Variants in TRPM3 observed in about 807,000 individuals in gnomAD.
The protein encoded by TRPM3 is transient receptor potential cation channel subfamily M member 3.
In TRPM3, 77 loss-of-function variants were observed where a neutral mutation model predicts 181.2. The ratio of observed to expected loss-of-function variants is 0.42; its 90% CI spans 0.35 to 0.51. The LOEUF (loss-of-function observed/expected upper bound fraction) is 0.51. TRPM3 is among the 20% of genes least tolerant of loss of function. The pLI, the probability that TRPM3 is intolerant of heterozygous loss-of-function variation, is 0.01. For synonymous variants in TRPM3, 745 were observed against 796.4 expected, an observed-to-expected ratio of 0.94 and a Z score of 1.09; for missense variants, 1,759 against 2,196.7, an observed-to-expected ratio of 0.80 and a Z score of 3.98.
At chr9:71,007,461 T>A (rs934568117) in intron 1 of TRPM3, among the ~76,000 whole-genome samples, 3 of 152,140 alleles carry the variant, frequency 2.0e-5, no homozygotes, top group African/African-American at 7.2e-5. Flanking sequence ...AAAAACTGTA[T>A]GTAAGGTCAG....
chr9:71,146,731 CA>C (rs1424772280), intron 1 of TRPM3, among the ~76,000 whole-genome samples: 1 of 152,132 alleles, frequency 6.6e-6, no homozygotes, highest in African/African-American at 2.4e-5. Flanking sequence ...CACCCATGAC[CA>C]CAGCACATTG....
intron 1 of TRPM3, among the ~76,000 whole-genome samples, chr9:70,887,226 G>A (rs2096103874): frequency 6.6e-6 from 1 of 152,060 alleles, no homozygotes; most frequent in African/African-American, 2.4e-5. Flanking sequence ...GGTTGTTTCA[G>A]GTTTTATTAA....
At position 70,639,191 on chromosome 9, in the gene TRPM3, C is replaced by T; in HGVS notation, c.1450G>A (p.Gly484Arg). The T allele has an allele frequency of 2.5e-6, 4 of 1,613,660 alleles. No individual in the cohort carries two copies. Among genetic ancestry groups the T allele is most frequent in the Non-Finnish European group, 3.4e-6 (4 of 1,179,814 alleles). The change falls in exon 11 of 26, where the codon GGA (glycine) becomes AGA (arginine). Residue 484 changes from glycine (G) to arginine (R), a missense_variant. Gly to Arg is a moderately radical substitution (Grantham distance 125). Around this residue, in one of 8 missense-constraint regions of TRPM3, gnomAD observed 737 missense variants for 957.4 expected, o/e 0.77. Transcript: ENST00000677713. ...TCCAACATGGCTTGCTCCAGAGATCCCACCTGCAAACCAAGTCACTGAGTT... is the reference window on the plus strand; with the variant it reads ...TCCAACATGGCTTGCTCCAGAGATCTCACCTGCAAACCAAGTCACTGAGTT... The part of the protein sequence containing the change: ...IFIYGQQWPV[G>R]SLEQAMLDAL...
chr9:70,919,881 T>A (rs3010452), intron 1 of TRPM3, among the ~76,000 whole-genome samples: 47,408 of 151,982 alleles, frequency 0.31, 8,564 homozygotes, highest in African/African-American at 0.49. Flanking sequence ...GCGTATGCTC[T>A]TGCCTGATAT....
chr9:71,005,951 A>C (rs1196518591), intron 1 of TRPM3, among the ~76,000 whole-genome samples: 1 of 152,230 alleles, frequency 6.6e-6, no homozygotes, highest in Non-Finnish European at 1.5e-5. Flanking sequence ...AATTATTAAG[A>C]CAATAATAAG....
chr9:71,429,674 G>T lies in TRPM3; in HGVS notation c.183+16979C>A, dbSNP rs960615044. ...TCCTACATTACTCACAGTGTATACT[G>T]CAAAGCCTAGGGTTGTTTTGAATCC... On this transcript the variant is annotated intron_variant, in intron 1 of 24. Transcript: ENST00000357533. 2.0e-5 allele frequency among the ~76,000 whole-genome samples: 3 copies of T among 152,088 alleles called. No individual in the cohort carries two copies. In the East Asian group the frequency reaches 5.8e-4, roughly 29 times the overall value.
At chr9:71,295,734 G>A (rs1357937940) in intron 1 of TRPM3, among the ~76,000 whole-genome samples, 1 of 150,646 alleles carries the variant, frequency 6.6e-6, no homozygotes, top group Non-Finnish European at 1.5e-5. Context: ...AGCTACTGGA[G>A]AGGCTGAGAT....
intron 1 of TRPM3, among the ~76,000 whole-genome samples, chr9:71,023,784 T>C (rs576171867): frequency 2.6e-5 from 4 of 152,006 alleles, no homozygotes; most frequent in South Asian, 4.2e-4. Flanking sequence ...GACAAAACTT[T>C]AGAAATGGAG....
chr9:71,199,983 G>C (rs1225202518), intron 1 of TRPM3, among the ~76,000 whole-genome samples: 2 of 152,094 alleles, frequency 1.3e-5, no homozygotes, highest in South Asian at 2.1e-4. Context: ...AATTTTGGAT[G>C]TTTCCTGCTT....
intron 1 of TRPM3, among the ~76,000 whole-genome samples, chr9:71,159,530 C>T (rs916705745): frequency 2.6e-5 from 4 of 152,042 alleles, no homozygotes; most frequent in African/African-American, 7.2e-5. Context: ...AAAATCCTAA[C>T]GAACATAAAG....
intron 1 of TRPM3, among the ~76,000 whole-genome samples, chr9:71,269,335 T>C (rs2083615592): frequency 6.6e-6 from 1 of 152,212 alleles, no homozygotes; most frequent in East Asian, 1.9e-4. Context: ...CTAGATTCTG[T>C]TACCATTGAA....
intron 8 of TRPM3, chr9:70,760,886 C>T (rs2078014353): frequency 6.6e-6 from 1 of 152,204 alleles, no homozygotes; most frequent in Non-Finnish European, 1.5e-5. Context: ...ATCAAATGAG[C>T]CGGGTTTCCT....
intron 1 of TRPM3, among the ~76,000 whole-genome samples, chr9:71,341,308 A>G (rs1365968788): frequency 6.6e-6 from 1 of 152,152 alleles, no homozygotes; most frequent in Non-Finnish European, 1.5e-5. Context: ...TTTGTTAATT[A>G]CAACAGGAAA....
rs138683780 is a variant in TRPM3 at position 71,191,342 on chromosome 9, C to T, written c.183+255311G>A. Reference sequence around the variant, plus strand: ...TTTGCTTTTTGTCTATAAAGACAAACGCTGCCCACCCTTCTTTCAAATACC... The same window carrying T: ...TTTGCTTTTTGTCTATAAAGACAAATGCTGCCCACCCTTCTTTCAAATACC... On this transcript the variant is annotated intron_variant, in intron 1 of 24. Transcript: ENST00000357533. Among the ~76,000 whole-genome samples the T allele has an allele frequency of 1.1e-4, 17 of 151,874 alleles. No individual in the cohort carries two copies. The East Asian group carries it at 1.6e-3, about 14-fold the overall frequency.
intron 9 of TRPM3, among the ~76,000 whole-genome samples, chr9:70,654,908 C>A (rs1039946144): frequency 6.6e-6 from 1 of 151,416 alleles, no homozygotes; most frequent in Non-Finnish European, 1.5e-5. Context: ...TGGTCTCGAT[C>A]TCCTGACCTT....
At chr9:70,557,299 C>T (rs1412883495) in intron 22 of TRPM3, among the ~76,000 whole-genome samples, 2 of 152,194 alleles carry the variant, frequency 1.3e-5, no homozygotes, top group African/African-American at 4.8e-5. Flanking sequence ...CTAGTTTCTA[C>T]AGCAGTAACG....
intron 9 of TRPM3, among the ~76,000 whole-genome samples, chr9:70,679,182 G>T (rs1489498360): frequency 2.6e-5 from 4 of 152,098 alleles, no homozygotes; most frequent in African/African-American, 9.7e-5. Flanking sequence ...AGATTGAATA[G>T]AAAATACCCA....
chr9:71,266,334 G>A (rs146049476), intron 1 of TRPM3, among the ~76,000 whole-genome samples: 213 of 151,546 alleles, frequency 1.4e-3, no homozygotes, highest in African/African-American at 5.0e-3. Flanking sequence ...TATCATGAGG[G>A]AGTGGCAAAA....
At chr9:70,570,002 C>T (rs180910795) in intron 22 of TRPM3, among the ~76,000 whole-genome samples, 205 of 152,106 alleles carry the variant, frequency 1.3e-3, no homozygotes, top group African/African-American at 4.7e-3. Context: ...ACTTGACTTC[C>T]TCTATTTTGA....
Sources: gnomAD v4.1 joint callset for allele counts (sites outside exome capture counted in the v4.1 genomes callset) on GRCh38, gnomAD v4.1.1 for gene constraint, gnomAD v4.1.1 regional missense constraint, MANE v1.5 for transcripts, NCBI Gene and HGNC (gene_info 2026-07-23, HGNC 2026-07-21) for gene names.